The following CEP83 variants were observed in gnomAD, a reference collection of about 807,000 sequenced individuals.
CEP83 encodes centrosomal protein 83, also known as centrosomal protein of 83 kDa.
CEP83 carries 70 observed loss-of-function variants against 101.9 expected under a neutral mutation model. The observed-to-expected ratio is 0.69, with a 90% CI of 0.57 to 0.84. The LOEUF (loss-of-function observed/expected upper bound fraction) is 0.84, where lower values mean the gene tolerates loss of function less well. Among genes scored for constraint, CEP83 ranks in the 40% least tolerant of loss-of-function variants. The pLI, the probability that CEP83 is intolerant of heterozygous loss-of-function variation, is 0.00. For missense variants in CEP83, 715 were observed against 787.2 expected (o/e 0.91, Z 1.10); for synonymous variants, 264 against 267.9 (o/e 0.99, Z 0.14).
chr12:94,359,284 C>T (rs1345456708), intron 11 of CEP83, among the ~76,000 whole-genome samples: 1 of 152,110 alleles, frequency 6.6e-6, no homozygotes, highest in Non-Finnish European at 1.5e-5. Context: ...GGGTTAGGGT[C>T]TCCCCAACTG....
At chr12:94,432,901 T>A (rs1461109929) in intron 2 of CEP83, among the ~76,000 whole-genome samples, 1 of 152,138 alleles carries the variant, frequency 6.6e-6, no homozygotes, top group African/African-American at 2.4e-5. Context: ...TTCAAAAAAA[T>A]TATAAAATAT....
chr12:94,317,897 G>A (rs1970980894), intron 14 of CEP83, among the ~76,000 whole-genome samples: 1 of 152,060 alleles, frequency 6.6e-6, no homozygotes, highest in South Asian at 2.1e-4. Context: ...GATTGCTGTG[G>A]CTATTTGGAC....
chr12:94,416,209 T>G (rs2064250904), intron 2 of CEP83, among the ~76,000 whole-genome samples: 1 of 152,180 alleles, frequency 6.6e-6, no homozygotes, highest in Non-Finnish European at 1.5e-5. Flanking sequence ...TTGAGGAAGA[T>G]GGAACAGATA....
In CEP83 at chr12:94,400,950, T is replaced by G; in HGVS notation, c.449A>C (p.Lys150Thr). ...GAGAAATGTATGTTCATAGCGAAGC[T>G]TATTATATACAGCTCTATACTTTTC... The part of the protein sequence containing the change: ...EVEKYRAVYN[K>T]LRYEHTFLKS... The change falls in exon 6 of 17, where the codon AAG becomes ACG. Residue 150 changes from lysine (K) to threonine (T), a missense_variant. Transcript: ENST00000397809. 1 of 1,504,282 alleles carries G rather than the reference T, an allele frequency of 6.6e-7. No individual in the cohort carries two copies. The highest frequency in any genetic ancestry group is 1.5e-5 in the South Asian group (1 of 68,602). The allele number at this position is 1,504,282 out of a possible 1,614,324, so 93.2% of individuals were successfully genotyped here.
At chr12:94,370,623 C>G (rs894387885) in intron 8 of CEP83, among the ~76,000 whole-genome samples, 1 of 152,086 alleles carries the variant, frequency 6.6e-6, no homozygotes, top group East Asian at 1.9e-4. Flanking sequence ...AGCAATCCAC[C>G]TGCTTTGGCC....
chr12:94,291,816 T>A, the CEP83 span, among the ~76,000 whole-genome samples: 1 of 152,188 alleles, frequency 6.6e-6, no homozygotes, highest in East Asian at 1.9e-4. Context: ...TACAAGGGTA[T>A]ACTGCATGAT....
the CEP83 span, among the ~76,000 whole-genome samples, chr12:94,271,700 C>T: frequency 3.3e-5 from 5 of 152,234 alleles, no homozygotes; most frequent in Admixed American, 6.5e-5. Flanking sequence ...ACATGTACCA[C>T]GTCTAGCCAT....
At chr12:94,448,020 TA>T (rs1257309477) in intron 1 of CEP83, among the ~76,000 whole-genome samples, 1 of 152,130 alleles carries the variant, frequency 6.6e-6, no homozygotes, top group African/African-American at 2.4e-5. Context: ...AAGGGGGGAT[TA>T]TATTACAATG....
At chr12:94,352,549 T>C (rs2060250708) in intron 11 of CEP83, among the ~76,000 whole-genome samples, 2 of 150,980 alleles carry the variant, frequency 1.3e-5, no homozygotes, top group South Asian at 4.2e-4. Flanking sequence ...AAAATAACAA[T>C]GTTAAGGAAA....
chr12:94,266,972 C>T, the CEP83 span, among the ~76,000 whole-genome samples: 1 of 152,324 alleles, frequency 6.6e-6, no homozygotes, highest in Non-Finnish European at 1.5e-5. Flanking sequence ...TTTTGTAAAC[C>T]TTCCAGATAT....
At chr12:94,389,908 C>T (rs556882010) in intron 6 of CEP83, among the ~76,000 whole-genome samples, 1 of 152,338 alleles carries the variant, frequency 6.6e-6, no homozygotes, top group East Asian at 1.9e-4. Context: ...GGCACCCTGG[C>T]AGGGGGAGGG....
chr12:94,425,799 G>A (rs2065147989), intron 2 of CEP83, among the ~76,000 whole-genome samples: 1 of 152,136 alleles, frequency 6.6e-6, no homozygotes, highest in Non-Finnish European at 1.5e-5. Flanking sequence ...TGGCAAAATG[G>A]GAGATTTTAA....
intron 11 of CEP83, among the ~76,000 whole-genome samples, chr12:94,345,807 T>C (rs1338467443): frequency 6.6e-6 from 1 of 152,218 alleles, no homozygotes; most frequent in African/African-American, 2.4e-5. Flanking sequence ...TATTAGATCA[T>C]GCCCTTTTTG....
At chr12:94,279,906 A>C in the CEP83 span, 1 of 616,328 alleles carries the variant, frequency 1.6e-6, no homozygotes. Flanking sequence ...ACGTCTGTAA[A>C]TCAGATTGAT....
At position 94,347,593 on chromosome 12, in the gene CEP83, C is replaced by A. The variant is rs577364667; in HGVS notation, c.1344-11929G>T. ...GGAGAAATAAAAACATATTTCCACA[C>A]AAAGACTTGTAAATGAATGTTCACA... On this transcript the variant is annotated intron_variant, in intron 11 of 16. Transcript: ENST00000397809. 1.7e-3 allele frequency among the ~76,000 whole-genome samples: 254 copies of A among 152,260 alleles called. 1 individual carries two copies. The highest frequency in any genetic ancestry group is 5.7e-3 in the African/African-American group (237 of 41,564).
downstream of CEP83, among the ~76,000 whole-genome samples, chr12:94,303,600 T>C (rs1181403520): frequency 1.3e-5 from 2 of 152,036 alleles, no homozygotes; most frequent in African/African-American, 2.4e-5. Context: ...GTCAACAACA[T>C]TTAAGGCCTA....
At chr12:94,333,449 AAAAAT>A in intron 13 of CEP83, 28 bp downstream of exon 13, 1 of 1,581,010 alleles carries the variant, frequency 6.3e-7, no homozygotes, top group Non-Finnish European at 8.6e-7. Flanking sequence ...AGAAAAAAGA[AAAAAT>A]AGTTTGTACA....
chr12:94,343,473 T>C (rs2059788065), intron 11 of CEP83, among the ~76,000 whole-genome samples: 2 of 30,934 alleles, frequency 6.5e-5, no homozygotes, highest in Non-Finnish European at 1.4e-4. Flanking sequence ...AAATTAACTT[T>C]TTTTTTTTTT....
At chr12:94,298,787 A>G in the CEP83 span, 2 of 1,610,566 alleles carry the variant, frequency 1.2e-6, no homozygotes, top group South Asian at 1.1e-5. Context: ...ATATTTGGAA[A>G]ACAAACAGGT....
Sources: gnomAD v4.1 joint callset for allele counts (sites outside exome capture counted in the v4.1 genomes callset) on GRCh38, gnomAD v4.1.1 for gene constraint, MANE v1.5 for transcripts, NCBI Gene and HGNC (gene_info 2026-07-23, HGNC 2026-07-21) for gene names.